Variants in CSMD1 observed in about 807,000 individuals in gnomAD.
CSMD1 encodes CUB and Sushi multiple domains 1, also known as CUB and sushi domain-containing protein 1.
A neutral mutation model predicts 417.5 loss-of-function variants in CSMD1; 213 were observed. The observed-to-expected ratio is 0.51, with a 90% CI of 0.46 to 0.57. The LOEUF is 0.57. Ranked by LOEUF, CSMD1 falls within the 20% of genes least tolerant of loss-of-function variation. CSMD1 has a pLI of 0.00. For missense variants in CSMD1, 6,923 were observed against 4,529.7 expected (o/e 1.53, Z -15.17); for synonymous variants, 2,862 against 1,736.8 (o/e 1.65, Z -16.11).
intron 1 of CSMD1, among the ~76,000 whole-genome samples, chr8:4,979,582 T>A (rs73497766): frequency 0.028 from 4,306 of 152,288 alleles, 199 homozygotes; most frequent in African/African-American, 0.098. Context: ...TTTCCTTCAA[T>A]GTATTTAAAT....
intron 21 of CSMD1, among the ~76,000 whole-genome samples, chr8:3,358,360 C>G (rs1808934354): frequency 6.6e-6 from 1 of 152,202 alleles, no homozygotes; most frequent in Admixed American, 6.5e-5. Flanking sequence ...TGCTGAGCAA[C>G]ATGGCTGGGT....
At chr8:4,549,000 G>C (rs1392801436) in intron 2 of CSMD1, among the ~76,000 whole-genome samples, 2 of 151,940 alleles carry the variant, frequency 1.3e-5, no homozygotes, top group South Asian at 4.1e-4. Flanking sequence ...TTATTTCCAA[G>C]TTTATCAGAT....
intron 1 of CSMD1, among the ~76,000 whole-genome samples, chr8:4,818,376 C>T (rs763875300): frequency 4.6e-5 from 7 of 152,126 alleles, no homozygotes; most frequent in African/African-American, 9.7e-5. Context: ...CAATAAGTGC[C>T]ATGGAAAGCT....
intron 15 of CSMD1, among the ~76,000 whole-genome samples, chr8:3,405,154 G>A (rs1161523): frequency 0.83 from 125,750 of 152,082 alleles, 52,295 homozygotes; most frequent in South Asian, 0.87. Context: ...TTAAATCTAT[G>A]CTAACAAGAT....
chr8:4,605,999 A>T lies in CSMD1; in HGVS notation c.302+31343T>A, dbSNP rs376730710. Reference sequence around the variant, plus strand: ...TGGACAAAGCCAGGCCTTATGAAATATGGAGCCCAGACACCAAGCTGACAG... The same window carrying T: ...TGGACAAAGCCAGGCCTTATGAAATTTGGAGCCCAGACACCAAGCTGACAG... On this transcript the variant is annotated intron_variant, in intron 2 of 69. Transcript: ENST00000635120. Among the ~76,000 whole-genome samples, 188 of 152,306 alleles carry T rather than the reference A, an allele frequency of 1.2e-3. 2 individuals are homozygous for T. The highest frequency in any genetic ancestry group is 4.2e-3 in the African/African-American group (174 of 41,566).
chr8:3,856,702 T>C (rs1804339305), intron 5 of CSMD1, among the ~76,000 whole-genome samples: 1 of 152,154 alleles, frequency 6.6e-6, no homozygotes, highest in African/African-American at 2.4e-5. Flanking sequence ...GCTGGGAAGA[T>C]AGGGTATGCT....
At chr8:3,738,074 A>G (rs1796613719) in intron 6 of CSMD1, among the ~76,000 whole-genome samples, 1 of 152,222 alleles carries the variant, frequency 6.6e-6, no homozygotes, top group African/African-American at 2.4e-5. Context: ...GTAAATGATT[A>G]CTATAGTCTC....
intron 44 of CSMD1, among the ~76,000 whole-genome samples, chr8:3,108,399 T>C (rs1256925306): frequency 2.6e-5 from 4 of 152,000 alleles, no homozygotes; most frequent in South Asian, 2.1e-4. Flanking sequence ...TTGGAATAAA[T>C]CCAAGCTGGA....
At chr8:4,003,480 A>G (rs1441397619) in intron 4 of CSMD1, among the ~76,000 whole-genome samples, 2 of 152,172 alleles carry the variant, frequency 1.3e-5, no homozygotes, top group Admixed American at 1.3e-4. Flanking sequence ...ACATGGGAAA[A>G]AAAGATTTTA....
intron 3 of CSMD1, among the ~76,000 whole-genome samples, chr8:4,242,292 G>A (rs1429479167): frequency 6.6e-6 from 1 of 152,118 alleles, no homozygotes; most frequent in Non-Finnish European, 1.5e-5. Flanking sequence ...AGGGCAGACT[G>A]GAAAATTCAT....
chr8:3,730,722 G>C (rs1253707180), intron 6 of CSMD1, among the ~76,000 whole-genome samples: 1 of 152,136 alleles, frequency 6.6e-6, no homozygotes. Context: ...AACAGACCTA[G>C]AAACTTATTC....
intron 6 of CSMD1, among the ~76,000 whole-genome samples, chr8:3,731,068 T>A (rs925456658): frequency 3.3e-5 from 5 of 152,166 alleles, no homozygotes; most frequent in Admixed American, 1.3e-4. Flanking sequence ...TTTTCCTACG[T>A]CCTTATACAC....
chr8:4,766,377 T>G (rs930351017), intron 1 of CSMD1, among the ~76,000 whole-genome samples: 6 of 152,182 alleles, frequency 3.9e-5, no homozygotes, highest in African/African-American at 1.4e-4. Flanking sequence ...ATTAGGTTTG[T>G]GGATTGAACG....
At chr8:4,640,799 A>C (rs953997620) in intron 1 of CSMD1, among the ~76,000 whole-genome samples, 10 of 151,630 alleles carry the variant, frequency 6.6e-5, no homozygotes, top group Non-Finnish European at 4.4e-5. Flanking sequence ...TTTCTGTGAT[A>C]ATTGTAATGT....
intron 21 of CSMD1, among the ~76,000 whole-genome samples, chr8:3,357,305 T>C (rs1808858886): frequency 6.6e-6 from 1 of 152,234 alleles, no homozygotes; most frequent in African/African-American, 2.4e-5. Context: ...CGAGTCTTCC[T>C]AGCTCTGTGT....
intron 6 of CSMD1, among the ~76,000 whole-genome samples, chr8:3,729,665 G>C (rs560067504): frequency 3.4e-5 from 5 of 147,272 alleles, no homozygotes. Flanking sequence ...GGGGCTACCA[G>C]CGAAGTGTTT....
intron 2 of CSMD1, among the ~76,000 whole-genome samples, chr8:4,612,241 T>G (rs1801217746): frequency 2.0e-5 from 3 of 152,158 alleles, no homozygotes; most frequent in Admixed American, 6.5e-5. Context: ...CACTTCCGTT[T>G]CCAGCACATG....
intron 3 of CSMD1, among the ~76,000 whole-genome samples, chr8:4,075,644 G>C (rs528750048): frequency 2.6e-5 from 4 of 152,230 alleles, no homozygotes; most frequent in South Asian, 2.1e-4. Context: ...CACTGTGTTG[G>C]GGAAATTGTC....
intron 10 of CSMD1, among the ~76,000 whole-genome samples, chr8:3,569,962 G>C (rs910616062): frequency 1.3e-5 from 2 of 152,128 alleles, no homozygotes; most frequent in Non-Finnish European, 2.9e-5. Context: ...GAAATTTAAT[G>C]TGTTAATTAT....
Sources: gnomAD v4.1 joint callset for allele counts (sites outside exome capture counted in the v4.1 genomes callset) on GRCh38, gnomAD v4.1.1 for gene constraint, MANE v1.5 for transcripts, NCBI Gene and HGNC (gene_info 2026-07-23, HGNC 2026-07-21) for gene names.